Variants in RORA observed in about 807,000 individuals in gnomAD.
RORA encodes RAR related orphan receptor A, also known as nuclear receptor ROR-alpha.
RORA carries 7 observed loss-of-function variants against 69.5 expected under a neutral mutation model. The observed-to-expected ratio is 0.10, with a 90% CI of 0.06 to 0.19. The LOEUF (loss-of-function observed/expected upper bound fraction) is 0.19. Ranked by LOEUF, RORA falls within the 10% of genes least tolerant of loss-of-function variation. The probability of loss-of-function intolerance (pLI) is 1.00; values close to 1 mark genes in which losing one functional copy is unlikely to be tolerated. For synonymous variants in RORA, 261 were observed against 240.8 expected, an observed-to-expected ratio of 1.08 and a Z score of -0.78; for missense variants, 457 against 663.0, an observed-to-expected ratio of 0.69 and a Z score of 3.41.
chr15:61,127,079 T>C (rs899026196), intron 1 of RORA, among the ~76,000 whole-genome samples: 1 of 152,170 alleles, frequency 6.6e-6, no homozygotes, highest in African/African-American at 2.4e-5. Flanking sequence ...TATATTACTA[T>C]ATTAGACACC....
intron 1 of RORA, among the ~76,000 whole-genome samples, chr15:61,185,163 G>A (rs985248166): frequency 6.6e-6 from 1 of 152,096 alleles, no homozygotes; most frequent in South Asian, 2.1e-4. Context: ...GCTTGTTGCA[G>A]AGAGCTCATG....
intron 1 of RORA, among the ~76,000 whole-genome samples, chr15:61,199,723 T>C (rs2079877797): frequency 1.3e-5 from 2 of 152,112 alleles, no homozygotes; most frequent in Middle Eastern, 6.8e-3. Flanking sequence ...TGAGATGTTA[T>C]GGGAAGGGGG....
intron 1 of RORA, among the ~76,000 whole-genome samples, chr15:60,901,283 T>A (rs1197840521): frequency 6.6e-6 from 1 of 152,194 alleles, no homozygotes; most frequent in African/African-American, 2.4e-5. Flanking sequence ...GCAATTCTCC[T>A]GCCTCAACCT....
intron 1 of RORA, among the ~76,000 whole-genome samples, chr15:60,716,576 G>A (rs2071221579): frequency 6.6e-6 from 1 of 152,096 alleles, no homozygotes; most frequent in Non-Finnish European, 1.5e-5. Context: ...CATATCCTTT[G>A]TTACAGTCTT....
chr15:61,102,248 C>A (rs767466945), intron 1 of RORA, among the ~76,000 whole-genome samples: 1 of 152,132 alleles, frequency 6.6e-6, no homozygotes, highest in Non-Finnish European at 1.5e-5. Flanking sequence ...TATGAGAAGC[C>A]CCCCCTCAAC....
At chr15:60,873,740 T>C (rs1398455138) in intron 1 of RORA, among the ~76,000 whole-genome samples, 2 of 152,222 alleles carry the variant, frequency 1.3e-5, no homozygotes, top group Non-Finnish European at 2.9e-5. Context: ...CACCTCCAAT[T>C]AGCTGTATTA....
chr15:61,000,839 G>T (rs1474282025), intron 1 of RORA, among the ~76,000 whole-genome samples: 1 of 152,120 alleles, frequency 6.6e-6, no homozygotes, highest in Non-Finnish European at 1.5e-5. Context: ...AGAGGACCTG[G>T]GTGGACCCAG....
At chr15:60,955,165 G>A (rs1339102259) in intron 1 of RORA, among the ~76,000 whole-genome samples, 1 of 152,170 alleles carries the variant, frequency 6.6e-6, no homozygotes, top group Non-Finnish European at 1.5e-5. Context: ...AGCTGGGTGT[G>A]GTGATGCATG....
intron 1 of RORA, among the ~76,000 whole-genome samples, chr15:61,120,427 C>G (rs185722587): frequency 6.6e-6 from 1 of 152,034 alleles, no homozygotes; most frequent in African/African-American, 2.4e-5. Flanking sequence ...TGGCTGGGCA[C>G]GGTGGCTCAC....
intron 1 of RORA, among the ~76,000 whole-genome samples, chr15:60,807,835 C>T (rs1365993203): frequency 6.6e-6 from 1 of 152,184 alleles, no homozygotes; most frequent in Non-Finnish European, 1.5e-5. Context: ...AAAGTACACC[C>T]TGTTCAACAA....
At chr15:60,553,564 C>T (rs1487142443) in intron 2 of RORA, among the ~76,000 whole-genome samples, 1 of 152,134 alleles carries the variant, frequency 6.6e-6, no homozygotes, top group Non-Finnish European at 1.5e-5. Context: ...GAATATGCCA[C>T]CCCAAATTAT....
Position 60,856,793 on chromosome 15 carries a change from C to A in RORA, c.167-178107G>T, listed in dbSNP as rs569084241. Among the ~76,000 whole-genome samples the A allele has an allele frequency of 6.6e-5, 10 of 152,256 alleles. No individual in the cohort carries two copies. In the East Asian group the frequency reaches 1.9e-3, roughly 29 times the overall value. On this transcript the variant is annotated intron_variant, in intron 1 of 10. Transcript: ENST00000335670. ...TTAGCTGACATTTCAGAGGTGGAAC[C>A]TGGACTGTCAGAAGCATGTGTTGGT...
intron 2 of RORA, among the ~76,000 whole-genome samples, chr15:60,595,362 A>C (rs1427698802): frequency 6.6e-6 from 1 of 152,094 alleles, no homozygotes; most frequent in African/African-American, 2.4e-5. Context: ...AAATACAAAA[A>C]TTAGCCAGGC....
chr15:60,578,967 G>C (rs1424962158), intron 2 of RORA, among the ~76,000 whole-genome samples: 4 of 150,976 alleles, frequency 2.6e-5, no homozygotes, highest in Non-Finnish European at 5.9e-5. Context: ...GTTTCACCAT[G>C]TTAGCCAAGA....
intron 1 of RORA, among the ~76,000 whole-genome samples, chr15:60,754,167 C>T (rs1043442442): frequency 1.3e-5 from 2 of 152,224 alleles, no homozygotes; most frequent in African/African-American, 2.4e-5. Flanking sequence ...TCCATATTCA[C>T]AATATAGCAT....
intron 2 of RORA, among the ~76,000 whole-genome samples, chr15:60,552,386 G>C (rs1050852862): frequency 6.6e-6 from 1 of 152,160 alleles, no homozygotes; most frequent in Non-Finnish European, 1.5e-5. Flanking sequence ...CACCTGCTAT[G>C]AATACCTGCA....
Position 60,737,503 on chromosome 15 carries a change from C to T in RORA, c.167-58817G>A, listed in dbSNP as rs115299190. ...GGTTAGAAATGCCAGTTCTTGGGTC[C>T]CATCCCAGACTGACTGAATCAGAAA... On this transcript the variant is annotated intron_variant, in intron 1 of 10. Coordinates refer to ENST00000335670, the MANE Select transcript of RORA (RefSeq NM_134261.3). Among the ~76,000 whole-genome samples the T allele has an allele frequency of 2.2e-3, 340 of 152,262 alleles. 3 individuals are homozygous for T. The highest frequency in any genetic ancestry group is 7.9e-3 in the African/African-American group (328 of 41,542).
intron 1 of RORA, among the ~76,000 whole-genome samples, chr15:60,849,916 G>A (rs1048701052): frequency 6.6e-6 from 1 of 152,156 alleles, no homozygotes; most frequent in Non-Finnish European, 1.5e-5. Context: ...GCGTCTCAAA[G>A]GCCCCTGTGG....
chr15:60,544,479 TTTG>T (rs371819710), intron 2 of RORA, among the ~76,000 whole-genome samples: 4 of 152,106 alleles, frequency 2.6e-5, no homozygotes, highest in South Asian at 4.1e-4. Context: ...CCTGCTTTTT[TTTG>T]TTGTTGTTGT....
Sources: gnomAD v4.1 joint callset for allele counts (sites outside exome capture counted in the v4.1 genomes callset) on GRCh38, gnomAD v4.1.1 for gene constraint, MANE v1.5 for transcripts, NCBI Gene and HGNC (gene_info 2026-07-23, HGNC 2026-07-21) for gene names.